Variants in CSPP1 observed in about 807,000 individuals in gnomAD.
CSPP1 encodes centrosome and spindle pole-associated protein 1.
A neutral mutation model predicts 164.4 loss-of-function variants in CSPP1; 126 were observed. The ratio of observed to expected loss-of-function variants is 0.77; its 90% CI spans 0.66 to 0.89. The LOEUF is 0.89. CSPP1 is among the 40% of genes least tolerant of loss of function. CSPP1 has a pLI of 0.00. For synonymous variants in CSPP1, 472 were observed against 476.7 expected, an observed-to-expected ratio of 0.99 and a Z score of 0.13; for missense variants, 1,395 against 1,449.8, an observed-to-expected ratio of 0.96 and a Z score of 0.61.
chr8:67,175,694 C>T, intron 26 of CSPP1: 1 of 586,904 alleles, frequency 1.7e-6, no homozygotes, highest in South Asian at 1.6e-5. Flanking sequence ...ATACTTTGAC[C>T]AGGCCAGGTG....
chr8:67,148,943 T>C (rs181002843), intron 17 of CSPP1, among the ~76,000 whole-genome samples: 177 of 152,336 alleles, frequency 1.2e-3, no homozygotes, highest in African/African-American at 4.0e-3. Context: ...AAACAGTTAT[T>C]ATCTTGCGGT....
intron 1 of CSPP1, among the ~76,000 whole-genome samples, chr8:67,071,753 T>C (rs1585810413): frequency 6.6e-6 from 1 of 152,318 alleles, no homozygotes; most frequent in African/African-American, 2.4e-5. Context: ...ATGCTAACTT[T>C]AATGGGACTT....
intron 4 of CSPP1, 79 bp downstream of exon 4, chr8:67,086,189 T>A (rs769254581): frequency 1.3e-5 from 10 of 793,498 alleles, no homozygotes; most frequent in African/African-American, 5.0e-5. Flanking sequence ...GTATTAGTCA[T>A]ATGTGTTAAT....
chr8:67,148,360 AT>A (rs1825033375), intron 17 of CSPP1, among the ~76,000 whole-genome samples: 1 of 152,196 alleles, frequency 6.6e-6, no homozygotes, highest in Admixed American at 6.5e-5. Context: ...CTTATTTGCC[AT>A]TGCTCTATTA....
At chr8:67,120,362 A>G (rs746387093) in intron 15 of CSPP1, among the ~76,000 whole-genome samples, 1 of 152,190 alleles carries the variant, frequency 6.6e-6, no homozygotes, top group Non-Finnish European at 1.5e-5. Context: ...TGGAGATTCC[A>G]TATGAATTAT....
intron 15 of CSPP1, among the ~76,000 whole-genome samples, chr8:67,128,289 A>C (rs533968427): frequency 2.0e-5 from 3 of 152,296 alleles, no homozygotes; most frequent in African/African-American, 7.2e-5. Context: ...TTGTAATCCC[A>C]GCACTTTGGG....
chr8:67,150,086 T>A, intron 18 of CSPP1, 151 bp downstream of exon 18: 1 of 737,904 alleles, frequency 1.4e-6, no homozygotes, highest in East Asian at 3.3e-5. Context: ...TAAAGTGCCT[T>A]TTCTTCATAG....
chr8:67,146,913 T>A (rs1466933476), intron 17 of CSPP1, among the ~76,000 whole-genome samples: 2 of 152,158 alleles, frequency 1.3e-5, no homozygotes, highest in Non-Finnish European at 2.9e-5. Flanking sequence ...TTAATTTTCG[T>A]TTTTTAGCTG....
Position 67,149,858 on chromosome 8 carries a change from G to T in CSPP1, c.2051G>T (p.Arg684Met). ...GATGCAAGAACATATGAAGATAAAA[G>T]GGCTGTTGTATCTCTAGACCCAAAT... The part of the protein sequence containing the change: ...NPDARTYEDK[R>M]AVVSLDPNLA... Residue 684 changes from arginine to methionine, a missense_variant, in exon 18 of 31, where the codon AGG becomes ATG. Transcript: ENST00000678616. 6.2e-7 allele frequency: 1 copy of T among 1,608,500 alleles called. No individual in the cohort carries two copies. Among genetic ancestry groups the T allele is most frequent in the Non-Finnish European group, 8.5e-7 (1 of 1,177,602 alleles).
intron 4 of CSPP1, among the ~76,000 whole-genome samples, chr8:67,091,158 A>G (rs1038843487): frequency 1.3e-5 from 2 of 152,196 alleles, no homozygotes; most frequent in African/African-American, 4.8e-5. Context: ...TTTGCAGAAG[A>G]AGAAAGTGTC....
rs536842572 is a variant in CSPP1, at chr8:67,104,195, TTTG to T, written c.1022+1063_1022+1065del. On this transcript the variant is annotated intron_variant, in intron 8 of 30. Transcript: ENST00000678616. ...TGCTTGCAATAAGATAATTTGCTGTTTTGTTCTAATTGATTAAGTTTCCTTTGA... is the reference window on the plus strand; with the variant it reads ...TGCTTGCAATAAGATAATTTGCTGTTTTCTAATTGATTAAGTTTCCTTTGA... Among the ~76,000 whole-genome samples, 302 of 152,234 alleles carry T rather than the reference TTTG, an allele frequency of 2.0e-3. 1 individual carries two copies. Among genetic ancestry groups the T allele is most frequent in the Non-Finnish European group, 3.2e-3 (215 of 68,022 alleles).
At chr8:67,129,970 C>T (rs1202380687) in intron 15 of CSPP1, among the ~76,000 whole-genome samples, 1 of 152,208 alleles carries the variant, frequency 6.6e-6, no homozygotes. Flanking sequence ...TAATTGTATA[C>T]AGTTGACACT....
At chr8:67,188,820 T>C (rs1008955426) in intron 28 of CSPP1, among the ~76,000 whole-genome samples, 1 of 152,196 alleles carries the variant, frequency 6.6e-6, no homozygotes, top group South Asian at 2.1e-4. Flanking sequence ...GTGCCCGGGT[T>C]TGTCCTAATC....
At chr8:67,182,840 A>G (rs530777780) in intron 28 of CSPP1, among the ~76,000 whole-genome samples, 11 of 152,096 alleles carry the variant, frequency 7.2e-5, no homozygotes, top group Non-Finnish European at 1.3e-4. Context: ...TTTTTTTGTT[A>G]TTGAGTTGTG....
chr8:67,086,030 C>T lies in CSPP1; in HGVS notation c.223C>T (p.Pro75Ser), dbSNP rs1401575481. The change falls in exon 4 of 31, where the codon CCA (proline) becomes TCA (serine). Residue 75 changes from proline to serine, a missense_variant. Pro to Ser is a moderately conservative substitution (Grantham distance 74). Coordinates refer to ENST00000678616, the MANE Select transcript of CSPP1 (RefSeq NM_001382391.1). ...AGGAATTGATTATGGATTAAGTTTA[C>T]CACTTGGAGAAGACTATGAACGGAA... ...SLGIDYGLSL[P>S]LGEDYERKKH... 6.8e-7 allele frequency: 1 copy of T among 1,466,694 alleles called. No individual in the cohort carries two copies. The highest frequency in any genetic ancestry group is 1.7e-5 in the Admixed American group (1 of 59,744). The allele number at this position is 1,466,694 out of a possible 1,614,324, so 90.9% of individuals were successfully genotyped here.
chr8:67,159,918 T>C lies in CSPP1; in HGVS notation c.2538+781T>C, dbSNP rs539420535. The stretch of plus-strand genomic sequence containing the variant: ...TTTCTTTCTTTCTTTCTTTCTTTCT[T>C]TCTTTCCTTTCCTTCCTTCCTTCCT... On this transcript the variant is annotated intron_variant, in intron 21 of 30. Coordinates refer to ENST00000678616, the MANE Select transcript of CSPP1 (RefSeq NM_001382391.1). 1.7e-3 allele frequency among the ~76,000 whole-genome samples: 100 copies of C among 57,192 alleles called. 2 individuals carry two copies. The highest frequency in any genetic ancestry group is 2.0e-3 in the Admixed American group (10 of 4,936). The allele number at this position is 57,192 out of a possible 152,430, so 37.5% of individuals were successfully genotyped here.
rs1049938946 is a variant in CSPP1, at chr8:67,113,714, A to G, written c.1188-91A>G. The G allele has an allele frequency of 1.6e-5, 11 of 676,290 alleles. No homozygotes were observed. The African/African-American group carries it at 2.0e-4, about 13-fold the overall frequency. 41.9% of individuals were successfully genotyped at this position (676,290 alleles called of 1,614,324 possible). On this transcript the variant is annotated intron_variant, in intron 10 of 30. Transcript: ENST00000678616. ...ATTTGTTTTTGTAGATGTAGTGCAT[A>G]GACTTTGTGTATAAGCTTCTTTCAG...
intron 24 of CSPP1, among the ~76,000 whole-genome samples, chr8:67,168,179 C>T (rs577994724): frequency 1.3e-5 from 2 of 152,220 alleles, no homozygotes; most frequent in South Asian, 2.1e-4. Flanking sequence ...CGCCTATAAT[C>T]GCAGGCACTT....
In CSPP1 at chr8:67,195,759, G is replaced by A. The variant is rs191829129; in HGVS notation, c.*166G>A. On this transcript the variant is annotated 3_prime_UTR_variant, in exon 31 of 31. Coordinates refer to ENST00000678616, the MANE Select transcript of CSPP1 (RefSeq NM_001382391.1). ...ATGTATATTATGTACATAAATAAAA[G>A]GCCATGATTATTGATTTATATAATA... is the stretch of plus-strand genomic sequence containing the variant. The A allele has an allele frequency of 7.1e-3, 4,300 of 602,354 alleles. 26 individuals are homozygous for A. Among genetic ancestry groups the A allele is most frequent in the Non-Finnish European group, 9.0e-3 (3,012 of 336,122 alleles). 37.3% of individuals were successfully genotyped at this position (602,354 alleles called of 1,614,324 possible).
Sources: allele counts gnomAD v4.1 joint callset (sites outside exome capture counted in the v4.1 genomes callset), GRCh38; gene constraint gnomAD v4.1.1; transcripts MANE v1.5; gene names NCBI Gene and HGNC (gene_info 2026-07-23, HGNC 2026-07-21).